The following CNBD2 variants were observed in gnomAD, a reference collection of about 807,000 sequenced individuals.
The protein encoded by CNBD2 is cyclic nucleotide binding domain containing 2.
A neutral mutation model predicts 63.7 loss-of-function variants in CNBD2; 64 were observed. That is an observed-to-expected ratio of 1.00 (90% CI 0.82 to 1.24). CNBD2 has a LOEUF of 1.24. CNBD2 is among the 50% of genes most tolerant of loss of function. The pLI is 0.00. For missense variants in CNBD2, 691 were observed against 713.5 expected, an observed-to-expected ratio of 0.97 and a Z score of 0.36; for synonymous variants, 229 against 255.4, an observed-to-expected ratio of 0.90 and a Z score of 0.99.
intron 2 of CNBD2, among the ~76,000 whole-genome samples, chr20:35,961,951 C>G (rs2056311859): frequency 6.6e-6 from 1 of 152,172 alleles, no homozygotes. Flanking sequence ...GCCAGCCTGT[C>G]CATCACCATC....
intron 10 of CNBD2, among the ~76,000 whole-genome samples, chr20:36,013,014 A>G (rs2057083142): frequency 6.6e-6 from 1 of 152,152 alleles, no homozygotes; most frequent in Non-Finnish European, 1.5e-5. Context: ...CTTTTAGGGC[A>G]GTAAAATTAT....
chr20:36,014,180 C>A (rs1443918823), intron 10 of CNBD2, among the ~76,000 whole-genome samples: 3 of 76,508 alleles, frequency 3.9e-5, no homozygotes, highest in Non-Finnish European at 4.7e-5. Context: ...AAGACTCCAT[C>A]TCAAAAAAAA....
chr20:36,029,195 C>T (rs2057315251), intron 11 of CNBD2, among the ~76,000 whole-genome samples: 1 of 152,180 alleles, frequency 6.6e-6, no homozygotes, highest in Non-Finnish European at 1.5e-5. Flanking sequence ...AAGAATTAGT[C>T]ATCACATGCT....
At chr20:35,982,085 G>A (rs1464350712) in intron 4 of CNBD2, among the ~76,000 whole-genome samples, 1 of 152,200 alleles carries the variant, frequency 6.6e-6, no homozygotes. Flanking sequence ...GGTATCATCT[G>A]CCCTGAGCAG....
chr20:35,977,567 T>C (rs1471561880), intron 3 of CNBD2, among the ~76,000 whole-genome samples: 1 of 152,108 alleles, frequency 6.6e-6, no homozygotes, highest in Non-Finnish European at 1.5e-5. Flanking sequence ...GATCCCAGAA[T>C]TTTGGGAGGC....
intron 2 of CNBD2, among the ~76,000 whole-genome samples, chr20:35,961,111 A>G (rs1369442878): frequency 1.3e-5 from 2 of 152,006 alleles, no homozygotes. Flanking sequence ...TTGTATTTTT[A>G]GTAGAGACAG....
At chr20:36,010,979 A>G (rs2057051036) in intron 9 of CNBD2, among the ~76,000 whole-genome samples, 158 bp from the exon 10 acceptor site, 1 of 152,050 alleles carries the variant, frequency 6.6e-6, no homozygotes, top group Non-Finnish European at 1.5e-5. Flanking sequence ...TGACAATGGG[A>G]GTCAGGGCTT....
rs1157953589 is a variant in CNBD2 at position 35,989,948 on chromosome 20, C to T, written c.855+2415C>T. 1.3e-5 allele frequency among the ~76,000 whole-genome samples: 2 copies of T among 150,614 alleles called. 1 individual carries two copies. Among genetic ancestry groups the T allele is most frequent in the Non-Finnish European group, 3.0e-5 (2 of 67,726 alleles). ...AGGAAAGAAGAAAGGAAGGAAGGAG[C>T]AAGCAAGAGAGAGAAGGAAAGAAAG... On this transcript the variant is annotated intron_variant, in intron 7 of 11. Coordinates refer to ENST00000373973, the MANE Select transcript of CNBD2 (RefSeq NM_001365709.1).
At chr20:35,974,997 ATTTT>A (rs1207764374) in intron 2 of CNBD2, 2 of 146,254 alleles carry the variant, frequency 1.4e-5, no homozygotes, top group African/African-American at 2.5e-5. Context: ...TATTTTTTTT[ATTTT>A]TTTTTATTTT....
At chr20:35,957,822 T>G (rs1399169299), downstream of CNBD2, 3 of 152,214 alleles carry the variant, frequency 2.0e-5, no homozygotes, top group Non-Finnish European at 4.4e-5. Context: ...TAGTCCAAAC[T>G]CTTATCTTAT....
chr20:36,012,689 G>A (rs180929544), intron 10 of CNBD2, among the ~76,000 whole-genome samples: 84 of 151,846 alleles, frequency 5.5e-4, no homozygotes, highest in African/African-American at 1.8e-3. Context: ...GCCAGGCATG[G>A]TGGACACCTG....
Position 35,968,596 on chromosome 20 carries a change from G to A in CNBD2, c.-167G>A. The A allele has an allele frequency of 1.8e-6, 1 of 553,856 alleles. No individual in the cohort carries two copies. Among genetic ancestry groups the A allele is most frequent in the Non-Finnish European group, 3.3e-6 (1 of 305,204 alleles). The allele number at this position is 553,856 out of a possible 1,614,324, so 34.3% of individuals were successfully genotyped here. A position where few individuals can be genotyped will look rare whatever the true frequency, so the allele number is the denominator to read the frequency against. On this transcript the variant is annotated 5_prime_UTR_variant, in exon 1 of 12. Transcript: ENST00000373973. ...TCTGAGAATGATTTTTCTCAGAGCA[G>A]GGCTTCCAGTAGCTGATGGTATGGT...
At chr20:36,002,506 GTC>G (rs1328740947) in intron 8 of CNBD2, among the ~76,000 whole-genome samples, 1 of 152,162 alleles carries the variant, frequency 6.6e-6, no homozygotes, top group African/African-American at 2.4e-5. Flanking sequence ...GGCCAGGCTG[GTC>G]TCAAACACCT....
At chr20:35,997,135 G>T (rs925245271) in intron 8 of CNBD2, among the ~76,000 whole-genome samples, 11 of 152,232 alleles carry the variant, frequency 7.2e-5, no homozygotes, top group African/African-American at 2.6e-4. Context: ...ATCCTCTGCA[G>T]ATCTTTTTGT....
intron 10 of CNBD2, among the ~76,000 whole-genome samples, chr20:36,021,884 G>A (rs2057213366): frequency 6.6e-6 from 1 of 152,224 alleles, no homozygotes; most frequent in Non-Finnish European, 1.5e-5. Context: ...GGCAGCTGGA[G>A]AGAGGAGGAC....
chr20:36,004,032 TGTTTCCCCAA>T (rs1171201309), intron 8 of CNBD2, among the ~76,000 whole-genome samples: 2 of 152,158 alleles, frequency 1.3e-5, no homozygotes, highest in Admixed American at 1.3e-4. Context: ...TTTCATGACA[TGTTTCCCCAA>T]GAATGAGAGA....
intron 7 of CNBD2, among the ~76,000 whole-genome samples, chr20:35,992,478 C>G (rs954301790): frequency 6.6e-6 from 1 of 152,156 alleles, no homozygotes; most frequent in Non-Finnish European, 1.5e-5. Context: ...TTCATTAACT[C>G]TGGAATCTGC....
In CNBD2 at chr20:36,008,358, T is replaced by G; in HGVS notation, c.1032T>G (p.Phe344Leu). The change falls in exon 9 of 12, where the codon TTT becomes TTG. Residue 344 changes from phenylalanine to leucine, a missense_variant. Transcript: ENST00000373973. The stretch of plus-strand genomic sequence containing the variant: ...TCAAATCATATCCTCTGCAAGACTT[T>G]AGCTCCTTGAAACTTCCACATCTCA... The part of the protein sequence containing the change: ...FQIKSYPLQD[F>L]SSLKLPHLKK... The G allele has an allele frequency of 6.2e-7, 1 of 1,614,070 alleles. No homozygotes were observed.
At position 35,972,673 on chromosome 20, in the gene CNBD2, G is replaced by C; in HGVS notation, c.96G>C (p.Val32=). 1 of 1,614,070 alleles carries C rather than the reference G, an allele frequency of 6.2e-7. No homozygotes were observed. Among genetic ancestry groups the C allele is most frequent in the Non-Finnish European group, 8.5e-7 (1 of 1,179,928 alleles). The change falls in exon 2 of 12, where the codon GTG becomes GTC. Residue 32 remains valine (V), a synonymous_variant. Coordinates refer to ENST00000373973, the MANE Select transcript of CNBD2 (RefSeq NM_001365709.1). ...LAMDIIIMIR[V]CKMFRQGLRG... is the part of the protein sequence containing the mutation. ...TGGATATCATCATAATGATCCGAGT[G>C]TGTAAAATGTTCCGCCAAGGCCTCA...
Sources: gnomAD v4.1 joint callset for allele counts (sites outside exome capture counted in the v4.1 genomes callset) on GRCh38, gnomAD v4.1.1 for gene constraint, MANE v1.5 for transcripts, NCBI Gene and HGNC (gene_info 2026-07-23, HGNC 2026-07-21) for gene names.